ATP10A: variants seen among roughly 807,000 people sequenced by gnomAD.
ATP10A encodes ATPase phospholipid transporting 10A (putative).
In ATP10A, 111 loss-of-function variants were observed where a neutral mutation model predicts 147.8. That is an observed-to-expected ratio of 0.75 (90% confidence interval 0.64 to 0.88). The LOEUF is 0.88. Ranked by LOEUF, ATP10A falls within the 40% of genes least tolerant of loss-of-function variation. The pLI, the probability that ATP10A is intolerant of heterozygous loss-of-function variation, is 0.00. For synonymous variants in ATP10A, 875 were observed against 841.6 expected (o/e 1.04, Z -0.69); for missense variants, 1,927 against 1,959.0 (o/e 0.98, Z 0.31).
intron 1 of ATP10A, among the ~76,000 whole-genome samples, chr15:25,857,607 A>G (rs932241951): frequency 6.6e-6 from 1 of 152,246 alleles, no homozygotes; most frequent in Non-Finnish European, 1.5e-5. Context: ...GTAGGTGGGA[A>G]TACAGATAAA....
Position 25,707,850 on chromosome 15 carries a change from C to A in ATP10A, c.2575+126G>T, listed in dbSNP as rs534263416. 2.2e-6 allele frequency: 3 copies of A among 1,351,734 alleles called. No homozygotes were observed. In the African/African-American group the frequency reaches 4.4e-5, roughly 20 times the overall value. The allele number at this position is 1,351,734 out of a possible 1,614,324, so 83.7% of individuals were successfully genotyped here. A position where few individuals can be genotyped will look rare whatever the true frequency, so the allele number is the denominator to read the frequency against. On this transcript the variant is annotated intron_variant, in intron 12 of 20. Transcript: ENST00000555815. Reference sequence around the variant, plus strand: ...CCTCCCGCCTCGGCTGTGCCAGCGTCCTGCCAGGTGGCTCCCTAACCAAGG... The same window carrying A: ...CCTCCCGCCTCGGCTGTGCCAGCGTACTGCCAGGTGGCTCCCTAACCAAGG...
upstream of ATP10A, among the ~76,000 whole-genome samples, chr15:25,863,982 T>C (rs1893891908): frequency 6.6e-6 from 1 of 152,216 alleles, no homozygotes; most frequent in South Asian, 2.1e-4. Context: ...AATATATCGC[T>C]ATAGCAAAGA....
intron 13 of ATP10A, among the ~76,000 whole-genome samples, chr15:25,701,121 G>A (rs75597407): frequency 1.3e-5 from 2 of 152,308 alleles, no homozygotes; most frequent in African/African-American, 2.4e-5. Flanking sequence ...TGGACAACGG[G>A]GCTTGAAAGG....
intron 3 of ATP10A, among the ~76,000 whole-genome samples, chr15:25,733,793 C>T (rs1247687357): frequency 6.6e-6 from 1 of 152,230 alleles, no homozygotes; most frequent in Non-Finnish European, 1.5e-5. Context: ...GGAGACAACA[C>T]GACATGACTG....
chr15:25,830,582 CGGG>C (rs201058755), intron 1 of ATP10A, among the ~76,000 whole-genome samples: 1 of 151,970 alleles, frequency 6.6e-6, no homozygotes, highest in Admixed American at 6.6e-5. Context: ...CCTTTCTCTC[CGGG>C]GGGGTCCTGT....
At chr15:25,672,901 C>A (rs1899069708), downstream of ATP10A, among the ~76,000 whole-genome samples, 1 of 152,108 alleles carries the variant, frequency 6.6e-6, no homozygotes, top group Admixed American at 6.5e-5. Flanking sequence ...GGTCCTAGGG[C>A]AAGACGAGGT....
intron 17 of ATP10A, among the ~76,000 whole-genome samples, chr15:25,682,040 C>T (rs1005455155): frequency 6.9e-5 from 9 of 130,352 alleles, no homozygotes; most frequent in Non-Finnish European, 1.4e-4. Flanking sequence ...GGTGACAGAG[C>T]GAGACCTTGT....
Position 25,728,351 on chromosome 15 carries a change from G to C in ATP10A, c.741-1085C>G, listed in dbSNP as rs552432511. ...CAAGTCAGTTATTTACCAACAGCAAGGGTTCTTCGCCAGAGCAGACACAGT... is the reference window on the plus strand; with the variant it reads ...CAAGTCAGTTATTTACCAACAGCAACGGTTCTTCGCCAGAGCAGACACAGT... On this transcript the variant is annotated intron_variant, in intron 3 of 20. Transcript: ENST00000555815. Among the ~76,000 whole-genome samples, 3 of 152,078 alleles carry C rather than the reference G, an allele frequency of 2.0e-5. No individual in the cohort carries two copies. The East Asian group carries it at 5.8e-4, about 29-fold the overall frequency.
At chr15:25,727,108 T>G (rs1902624561) in intron 4 of ATP10A, 52 bp downstream of exon 4, 3 of 1,333,708 alleles carry the variant, frequency 2.2e-6, no homozygotes, top group African/African-American at 1.5e-5. Context: ...GGGGAAGTGC[T>G]GGAGAACACA....
At chr15:25,857,752 G>A (rs1245742656) in intron 1 of ATP10A, among the ~76,000 whole-genome samples, 1 of 152,130 alleles carries the variant, frequency 6.6e-6, no homozygotes, top group African/African-American at 2.4e-5. Flanking sequence ...CTTGGGGTGG[G>A]AATACCAAGT....
intron 17 of ATP10A, 40 bp from the exon 18 acceptor site, chr15:25,681,114 T>C (rs907061960): frequency 7.6e-6 from 12 of 1,577,524 alleles, no homozygotes; most frequent in African/African-American, 1.4e-5. Context: ...CAGTGAAGCA[T>C]TGGCATCCTC....
intron 3 of ATP10A, among the ~76,000 whole-genome samples, chr15:25,727,545 C>T (rs545337464): frequency 7.2e-5 from 11 of 152,206 alleles, no homozygotes; most frequent in Non-Finnish European, 1.3e-4. Context: ...GTTTTCACTC[C>T]GGGACTGATC....
chr15:25,696,677 A>G (rs1567308150), intron 13 of ATP10A, among the ~76,000 whole-genome samples: 1 of 152,246 alleles, frequency 6.6e-6, no homozygotes, highest in Non-Finnish European at 1.5e-5. Flanking sequence ...CCAAGGCACC[A>G]GGGAACCTGG....
At chr15:25,771,830 A>T (rs1254931499) in intron 2 of ATP10A, among the ~76,000 whole-genome samples, 1 of 151,498 alleles carries the variant, frequency 6.6e-6, no homozygotes, top group African/African-American at 2.4e-5. Flanking sequence ...GCTCACTGCA[A>T]CCACCTCTGC....
At chr15:25,680,379 G>C (rs930401789) in intron 19 of ATP10A, 71 bp from the exon 20 acceptor site, 2 of 1,496,814 alleles carry the variant, frequency 1.3e-6, no homozygotes, top group East Asian at 4.5e-5. Flanking sequence ...TAACAAAAAC[G>C]TGCCAGTCAT....
chr15:25,693,253 G>A (rs1012973092), intron 14 of ATP10A, among the ~76,000 whole-genome samples: 6 of 152,218 alleles, frequency 3.9e-5, no homozygotes, highest in Non-Finnish European at 7.4e-5. Flanking sequence ...AAACTCCCGG[G>A]CTCAAGTGAT....
At chr15:25,802,867 A>G (rs1454833046) in intron 1 of ATP10A, among the ~76,000 whole-genome samples, 1 of 152,126 alleles carries the variant, frequency 6.6e-6, no homozygotes, top group Non-Finnish European at 1.5e-5. Flanking sequence ...AACCTAAAAC[A>G]TCCATCAGTT....
chr15:25,781,661 AAAG>A (rs949433105), intron 1 of ATP10A, among the ~76,000 whole-genome samples: 1 of 149,994 alleles, frequency 6.7e-6, no homozygotes, highest in African/African-American at 2.4e-5. Flanking sequence ...TCTCAAAAAA[AAAG>A]AAGGAAAAAA....
At chr15:25,729,279 G>C (rs936923315) in intron 3 of ATP10A, among the ~76,000 whole-genome samples, 1 of 152,148 alleles carries the variant, frequency 6.6e-6, no homozygotes, top group African/African-American at 2.4e-5. Context: ...TTGAGGTCAG[G>C]AGTTCGAGAC....
Sources: allele counts gnomAD v4.1 joint callset (sites outside exome capture counted in the v4.1 genomes callset), GRCh38; gene constraint gnomAD v4.1.1; transcripts MANE v1.5; gene names NCBI Gene and HGNC (gene_info 2026-07-23, HGNC 2026-07-21).